The following ARHGAP32 variants were observed in gnomAD, a reference collection of about 807,000 sequenced individuals.
The protein encoded by ARHGAP32 is rho GTPase-activating protein 32.
ARHGAP32 carries 51 observed loss-of-function variants against 186.5 expected under a neutral mutation model. The observed-to-expected ratio is 0.27, with a 90% confidence interval of 0.22 to 0.35. ARHGAP32 has a LOEUF of 0.35. Among genes scored for constraint, ARHGAP32 ranks in the 10% least tolerant of loss-of-function variants. ARHGAP32 has a pLI of 1.00. For synonymous variants in ARHGAP32, 950 were observed against 964.3 expected, an observed-to-expected ratio of 0.99 and a Z score of 0.27; for missense variants, 2,186 against 2,623.5, an observed-to-expected ratio of 0.83 and a Z score of 3.64.
intron 5 of ARHGAP32, among the ~76,000 whole-genome samples, chr11:129,104,230 A>C (rs189373381): frequency 3.9e-5 from 6 of 152,284 alleles, no homozygotes; most frequent in Admixed American, 3.3e-4. Context: ...CTGAGAAGTA[A>C]GGTAGAAATA....
chr11:129,269,420 A>G (rs1469160513), intron 1 of ARHGAP32, among the ~76,000 whole-genome samples: 1 of 152,192 alleles, frequency 6.6e-6, no homozygotes, highest in Non-Finnish European at 1.5e-5. Flanking sequence ...GAAGGCAGCC[A>G]TGACGAGACT....
In ARHGAP32 at chr11:128,967,023, C is replaced by T. The variant is rs1945236754; in HGVS notation, c.*1884G>A. 6.6e-6 allele frequency: 1 copy of T among 152,170 alleles called. No individual in the cohort carries two copies. The highest frequency in any genetic ancestry group is 1.5e-5 in the Non-Finnish European group (1 of 68,028). 9.4% of individuals were successfully genotyped at this position (152,170 alleles called of 1,614,324 possible). The stretch of plus-strand genomic sequence containing the variant: ...ACTTTTAATGTAGAGGCCTCAATTT[C>T]CACAGACCTTTTCACATATGGGTGT... On this transcript the variant is annotated 3_prime_UTR_variant, in exon 23 of 23. Transcript: ENST00000682385.
chr11:129,269,390 T>C (rs1011204196), intron 1 of ARHGAP32, among the ~76,000 whole-genome samples: 1 of 152,164 alleles, frequency 6.6e-6, no homozygotes, highest in Non-Finnish European at 1.5e-5. Flanking sequence ...GTAATCATGA[T>C]GGTCTCTCTG....
chr11:129,193,593 TGTTATATATAATATATAATA>T (rs1944326586), upstream of ARHGAP32, among the ~76,000 whole-genome samples: 1 of 49,816 alleles, frequency 2.0e-5, no homozygotes, highest in Non-Finnish European at 3.6e-5. Flanking sequence ...ATATAATATA[TGTTATATATAATATATAATA>T]TATGTTATAT....
At chr11:129,163,113 TC>T (rs1324392198) in intron 2 of ARHGAP32, among the ~76,000 whole-genome samples, 1 of 152,174 alleles carries the variant, frequency 6.6e-6, no homozygotes, top group Non-Finnish European at 1.5e-5. Flanking sequence ...CTAACAGAAT[TC>T]TATAAATGCC....
intron 20 of ARHGAP32, 146 bp from the exon 21 acceptor site, chr11:128,975,148 C>G: frequency 4.6e-6 from 3 of 647,684 alleles, no homozygotes; most frequent in Non-Finnish European, 7.7e-6. Flanking sequence ...TCTTTCAGTG[C>G]ACACAGATCA....
intron 10 of ARHGAP32, among the ~76,000 whole-genome samples, chr11:129,048,202 G>T (rs745527564): frequency 6.6e-6 from 1 of 151,982 alleles, no homozygotes; most frequent in Admixed American, 6.5e-5. Flanking sequence ...TCTTGCAGCC[G>T]GATATGCAGG....
At chr11:129,084,494 G>A (rs1207517544) in intron 6 of ARHGAP32, among the ~76,000 whole-genome samples, 1 of 152,104 alleles carries the variant, frequency 6.6e-6, no homozygotes, top group Non-Finnish European at 1.5e-5. Flanking sequence ...ATGCAAGGCT[G>A]GTTCAACATT....
At chr11:129,144,857 A>G (rs1202904426) in intron 2 of ARHGAP32, among the ~76,000 whole-genome samples, 1 of 152,212 alleles carries the variant, frequency 6.6e-6, no homozygotes, top group Non-Finnish European at 1.5e-5. Context: ...CAGAGAGCCA[A>G]TTAACCACAG....
chr11:128,973,744 G>A lies in ARHGAP32; in HGVS notation c.3074-312C>T, dbSNP rs571025480. On this transcript the variant is annotated intron_variant, in intron 21 of 22. Coordinates refer to ENST00000682385, the MANE Select transcript of ARHGAP32 (RefSeq NM_001378024.1). Reference sequence around the variant, plus strand: ...AGAAAACAAGCTTCAAGTGCTTGTAGACTGTTATTATGAACAGTTTTTACA... The same window carrying A: ...AGAAAACAAGCTTCAAGTGCTTGTAAACTGTTATTATGAACAGTTTTTACA... The A allele has an allele frequency of 1.2e-4, 65 of 532,832 alleles. No individual in the cohort carries two copies. The South Asian group carries it at 1.4e-3, about 12-fold the overall frequency. 33.0% of individuals were successfully genotyped at this position (532,832 alleles called of 1,614,324 possible). A position where few individuals can be genotyped will look rare whatever the true frequency, so the allele number is the denominator to read the frequency against.
chr11:129,211,327 A>C (rs1473913097), intron 1 of ARHGAP32, among the ~76,000 whole-genome samples: 1 of 152,198 alleles, frequency 6.6e-6, no homozygotes, highest in East Asian at 1.9e-4. Flanking sequence ...TTACAACCAC[A>C]AGATTTCTCA....
Position 129,063,972 on chromosome 11 carries a change from G to A in ARHGAP32, c.815C>T (p.Thr272Ile), listed in dbSNP as rs1940602274. 6.2e-7 allele frequency: 1 copy of A among 1,612,796 alleles called. No homozygotes were observed. Among genetic ancestry groups the A allele is most frequent in the Admixed American group, 1.7e-5 (1 of 59,872 alleles). The change falls in exon 9 of 23, where the codon ACT becomes ATT. Residue 272 changes from threonine to isoleucine, a missense_variant. Thr to Ile is a moderately conservative substitution (Grantham distance 89). Around this residue, in one of 5 missense-constraint regions of ARHGAP32, gnomAD observed 308 missense variants for 596.5 expected, o/e 0.52. Coordinates refer to ENST00000682385, the MANE Select transcript of ARHGAP32 (RefSeq NM_001378024.1). ...AACATGGGCAGCACCGACAGCAGGA[G>A]TGTTGATGGATGACTCCTCATGAAC... ...LLVHEESSINTPAVGAAHVIK... is the reference protein window; with the variant it reads ...LLVHEESSINIPAVGAAHVIK...
chr11:129,087,001 A>G (rs1182043740), intron 6 of ARHGAP32, among the ~76,000 whole-genome samples: 1 of 152,192 alleles, frequency 6.6e-6, no homozygotes, highest in Non-Finnish European at 1.5e-5. Context: ...AAAATGCTCA[A>G]CATCATATGT....
intron 11 of ARHGAP32, among the ~76,000 whole-genome samples, chr11:129,013,870 C>G (rs1360759700): frequency 6.6e-6 from 1 of 152,108 alleles, no homozygotes; most frequent in Non-Finnish European, 1.5e-5. Context: ...TTAATTCTAT[C>G]AGAAGATTTC....
intron 1 of ARHGAP32, among the ~76,000 whole-genome samples, chr11:129,216,137 C>A (rs1944641255): frequency 1.3e-5 from 2 of 152,080 alleles, no homozygotes; most frequent in Admixed American, 1.3e-4. Context: ...GTCTCCAAAA[C>A]CAGAAGAGTA....
chr11:129,088,865 C>T (rs1328108198), intron 6 of ARHGAP32, among the ~76,000 whole-genome samples: 3 of 151,824 alleles, frequency 2.0e-5, no homozygotes, highest in African/African-American at 7.3e-5. Flanking sequence ...ACAGCAAAAC[C>T]TTGTCTCTAC....
At chr11:129,169,985 T>A (rs569693405) in intron 1 of ARHGAP32, among the ~76,000 whole-genome samples, 1 of 151,980 alleles carries the variant, frequency 6.6e-6, no homozygotes, top group South Asian at 2.1e-4. Flanking sequence ...GAAGAGAAAA[T>A]TATAGGTTGA....
At chr11:129,249,990 A>G (rs1355162905) in intron 1 of ARHGAP32, among the ~76,000 whole-genome samples, 1 of 151,844 alleles carries the variant, frequency 6.6e-6, no homozygotes, top group Non-Finnish European at 1.5e-5. Context: ...ATGCGGGAGG[A>G]CCACTTGAGC....
chr11:129,208,998 T>C (rs1158316308), intron 1 of ARHGAP32, among the ~76,000 whole-genome samples: 1 of 152,106 alleles, frequency 6.6e-6, no homozygotes, highest in African/African-American at 2.4e-5. Context: ...TTCCAAGATA[T>C]GAGTATGCCA....
Sources: gnomAD v4.1 joint callset for allele counts (sites outside exome capture counted in the v4.1 genomes callset) on GRCh38, gnomAD v4.1.1 for gene constraint, gnomAD v4.1.1 regional missense constraint, MANE v1.5 for transcripts, NCBI Gene and HGNC (gene_info 2026-07-23, HGNC 2026-07-21) for gene names.